The following PRR16 variants were observed in gnomAD, a reference collection of about 807,000 sequenced individuals.
The protein encoded by PRR16 is protein Largen.
PRR16 carries 6 observed loss-of-function variants against 18.2 expected under a neutral mutation model. The observed-to-expected ratio is 0.33, with a 90% CI of 0.18 to 0.65. PRR16 has a LOEUF of 0.65. PRR16 is among the 30% of genes least tolerant of loss of function. The pLI is 0.74. For missense variants in PRR16, 412 were observed against 376.6 expected, an observed-to-expected ratio of 1.09 and a Z score of -0.78; for synonymous variants, 151 against 147.8, an observed-to-expected ratio of 1.02 and a Z score of -0.16.
chr5:120,560,499 A>T (rs901293067), intron 1 of PRR16, among the ~76,000 whole-genome samples: 1 of 151,840 alleles, frequency 6.6e-6, no homozygotes, highest in African/African-American at 2.4e-5. Flanking sequence ...CTTGGTCATG[A>T]TAATTGATGT....
At chr5:120,537,473 G>C (rs945730066) in intron 1 of PRR16, among the ~76,000 whole-genome samples, 2 of 152,048 alleles carry the variant, frequency 1.3e-5, no homozygotes, top group Non-Finnish European at 2.9e-5. Flanking sequence ...TGAATCTCCA[G>C]CAAGTATTGC....
intron 1 of PRR16, among the ~76,000 whole-genome samples, chr5:120,657,092 A>G (rs1413358246): frequency 1.3e-5 from 2 of 152,014 alleles, no homozygotes; most frequent in Non-Finnish European, 1.5e-5. Context: ...TCACAAAATC[A>G]AACTGATTTA....
At chr5:120,572,169 C>G (rs1167811052) in intron 1 of PRR16, among the ~76,000 whole-genome samples, 2 of 152,084 alleles carry the variant, frequency 1.3e-5, no homozygotes, top group African/African-American at 4.8e-5. Context: ...TCAAAGGAGT[C>G]TCTCATATTG....
At chr5:120,590,650 T>G (rs1046884183) in intron 1 of PRR16, among the ~76,000 whole-genome samples, 7 of 152,088 alleles carry the variant, frequency 4.6e-5, no homozygotes, top group African/African-American at 1.7e-4. Context: ...AAATCCTGGT[T>G]CATATCACTA....
the PRR16 span, among the ~76,000 whole-genome samples, chr5:120,771,893 TTA>T: frequency 0.012 from 1,795 of 152,130 alleles, 33 homozygotes; most frequent in African/African-American, 0.042. Flanking sequence ...CCAGTGATTT[TTA>T]TGTTATAAAA....
At chr5:120,647,242 T>G (rs1580827587) in intron 1 of PRR16, among the ~76,000 whole-genome samples, 2 of 152,108 alleles carry the variant, frequency 1.3e-5, no homozygotes, top group East Asian at 3.9e-4. Flanking sequence ...TAACAATTAT[T>G]CAGTTGTTGC....
At chr5:120,772,792 C>G in the PRR16 span, among the ~76,000 whole-genome samples, 1 of 152,048 alleles carries the variant, frequency 6.6e-6, no homozygotes, top group East Asian at 1.9e-4. Context: ...TCTTCCATGG[C>G]TCTCTAAATA....
At chr5:120,589,767 C>A (rs1753569949) in intron 1 of PRR16, among the ~76,000 whole-genome samples, 1 of 152,092 alleles carries the variant, frequency 6.6e-6, no homozygotes, top group African/African-American at 2.4e-5. Flanking sequence ...TTAATTATCT[C>A]CCACCAGGTC....
chr5:120,752,576 A>T, the PRR16 span, among the ~76,000 whole-genome samples: 2 of 152,044 alleles, frequency 1.3e-5, no homozygotes, highest in African/African-American at 4.8e-5. Context: ...TTTCCTTAAA[A>T]ATTTCCTATG....
In PRR16 at chr5:120,686,230, C is replaced by G; in HGVS notation, c.436C>G (p.Pro146Ala). 1 of 1,614,136 alleles carries G rather than the reference C, an allele frequency of 6.2e-7. No homozygotes were observed. ...DPKRVVPTAN[P>A]VKTNGTLLRN... Reference sequence around the variant, plus strand: ...CAAAAGGGTGGTTCCAACTGCCAATCCTGTAAAAACCAATGGCACCCTTCT... The same window carrying G: ...CAAAAGGGTGGTTCCAACTGCCAATGCTGTAAAAACCAATGGCACCCTTCT... Residue 146 changes from proline (P) to alanine (A), a missense_variant, in exon 2 of 2, where the codon CCT (proline) becomes GCT (alanine). Physicochemically the swap from Pro to Ala is conservative, Grantham distance 27 (BLOSUM62 -1). Coordinates refer to ENST00000407149, the MANE Select transcript of PRR16 (RefSeq NM_001300783.2).
chr5:120,780,648 G>C, the PRR16 span, among the ~76,000 whole-genome samples: 12 of 152,138 alleles, frequency 7.9e-5, no homozygotes, highest in African/African-American at 1.4e-4. Context: ...AGGCTTCTAA[G>C]ATAAGCTTTT....
chr5:120,543,665 G>A (rs1020439560), intron 1 of PRR16, among the ~76,000 whole-genome samples: 1 of 152,162 alleles, frequency 6.6e-6, no homozygotes, highest in African/African-American at 2.4e-5. Context: ...CCATATTACT[G>A]ATAGATCATT....
chr5:120,566,120 A>G (rs1416747717), intron 1 of PRR16, among the ~76,000 whole-genome samples: 4 of 152,210 alleles, frequency 2.6e-5, no homozygotes, highest in South Asian at 2.1e-4. Context: ...TCTCATGAAT[A>G]GATTAATGCT....
the PRR16 span, among the ~76,000 whole-genome samples, chr5:120,732,329 C>G: frequency 6.6e-6 from 1 of 152,150 alleles, no homozygotes; most frequent in African/African-American, 2.4e-5. Flanking sequence ...CCCCACTAGA[C>G]TTTTCCTCCA....
chr5:120,626,124 A>G (rs1192203445), intron 1 of PRR16, among the ~76,000 whole-genome samples: 1 of 152,154 alleles, frequency 6.6e-6, no homozygotes, highest in African/African-American at 2.4e-5. Context: ...AGGCTCAGTA[A>G]GCGTTATAAA....
chr5:120,667,822 G>A (rs1186401728), intron 1 of PRR16, among the ~76,000 whole-genome samples: 4 of 152,128 alleles, frequency 2.6e-5, no homozygotes, highest in Non-Finnish European at 4.4e-5. Flanking sequence ...CTGAGAGACC[G>A]TTTGTTATAA....
chr5:120,507,862 C>T (rs1750696330), intron 1 of PRR16, among the ~76,000 whole-genome samples: 2 of 152,036 alleles, frequency 1.3e-5, no homozygotes, highest in African/African-American at 4.8e-5. Context: ...CTTTCAAAAC[C>T]ATATTCTATT....
chr5:120,726,474 A>G, the PRR16 span, among the ~76,000 whole-genome samples: 4 of 152,132 alleles, frequency 2.6e-5, no homozygotes, highest in Non-Finnish European at 4.4e-5. Flanking sequence ...AGAATCATAT[A>G]TTAACAAATT....
At chr5:120,757,867 T>C in the PRR16 span, among the ~76,000 whole-genome samples, 2 of 152,094 alleles carry the variant, frequency 1.3e-5, no homozygotes, top group Non-Finnish European at 2.9e-5. Flanking sequence ...AAAATGGAAC[T>C]ATAGTTTTCA....
Sources: allele counts gnomAD v4.1 joint callset (sites outside exome capture counted in the v4.1 genomes callset), GRCh38; gene constraint gnomAD v4.1.1; transcripts MANE v1.5; gene names NCBI Gene and HGNC (gene_info 2026-07-23, HGNC 2026-07-21).